The following TRIM25 variants were observed in gnomAD, a reference collection of about 807,000 sequenced individuals.
TRIM25 encodes the protein E3 ubiquitin/ISG15 ligase TRIM25.
TRIM25 carries 45 observed loss-of-function variants against 65.2 expected under a neutral mutation model. The ratio of observed to expected loss-of-function variants is 0.69; its 90% CI spans 0.54 to 0.89. The LOEUF is 0.89. Ranked by LOEUF, TRIM25 falls within the 40% of genes least tolerant of loss-of-function variation. The probability of loss-of-function intolerance (pLI) is 0.00; values close to 1 mark genes in which losing one functional copy is unlikely to be tolerated. For missense variants in TRIM25, 714 were observed against 803.7 expected, an observed-to-expected ratio of 0.89 and a Z score of 1.35; for synonymous variants, 321 against 340.4, an observed-to-expected ratio of 0.94 and a Z score of 0.63.
intron 3 of TRIM25, among the ~76,000 whole-genome samples, chr17:56,902,913 C>T (rs371928950): frequency 4.7e-4 from 71 of 152,272 alleles, no homozygotes; most frequent in African/African-American, 1.6e-3. Flanking sequence ...GGTTGTTTAA[C>T]GGAGGCTGGC....
chr17:56,903,199 G>A (rs1007498282), intron 3 of TRIM25, among the ~76,000 whole-genome samples: 18 of 152,222 alleles, frequency 1.2e-4, no homozygotes, highest in African/African-American at 4.3e-4. Context: ...TCAGGAGTTC[G>A]AGACCAGCCT....
At position 56,891,879 on chromosome 17, in the gene TRIM25, T is replaced by C. The variant is rs758113639; in HGVS notation, c.1714A>G (p.Thr572Ala). 3.7e-6 allele frequency: 6 copies of C among 1,614,082 alleles called. No individual in the cohort carries two copies. The Admixed American group carries it at 1.0e-4, about 27-fold the overall frequency. ...HNNVEKTLPSTKATRVGVLLN... is the reference protein window; with the variant it reads ...HNNVEKTLPSAKATRVGVLLN... ...AGCACGCCCACCCGCGTGGCCTTGGTGGAGGGCAGGGTTTTCTCCACGTTA... is the reference window on the plus strand; with the variant it reads ...AGCACGCCCACCCGCGTGGCCTTGGCGGAGGGCAGGGTTTTCTCCACGTTA... Residue 572 changes from threonine to alanine, a missense_variant, in exon 9 of 9, where the codon ACC becomes GCC. Thr to Ala is a moderately conservative substitution (Grantham distance 58). This residue lies in a region of TRIM25 where 413 missense variants were observed against 498.2 expected (regional missense o/e 0.83). Coordinates refer to ENST00000316881, the MANE Select transcript of TRIM25 (RefSeq NM_005082.5).
Position 56,891,131 on chromosome 17 carries a change from G to T in TRIM25, c.*569C>A, listed in dbSNP as rs1909161236. ...TGGAGGAAGAGGGTATGCCTCTTTA[G>T]GAAACTGTTCTGGGTAGAGACTGCT... On this transcript the variant is annotated 3_prime_UTR_variant, in exon 9 of 9. Coordinates refer to ENST00000316881, the MANE Select transcript of TRIM25 (RefSeq NM_005082.5). 2.8e-6 allele frequency: 1 copy of T among 360,528 alleles called. No homozygotes were observed. The highest frequency in any genetic ancestry group is 2.1e-5 in the African/African-American group (1 of 46,788). 22.3% of individuals were successfully genotyped at this position (360,528 alleles called of 1,614,324 possible).
rs939453296 is a variant in TRIM25 at position 56,901,442 on chromosome 17, A to G, written c.1064T>C (p.Leu355Pro). 3 of 1,613,960 alleles carry G rather than the reference A, an allele frequency of 1.9e-6. No individual in the cohort carries two copies. In the African/African-American group the frequency reaches 4.0e-5, roughly 22 times the overall value. ...KNELKQCIGR[L>P]QEPTPSSGDP... ...ACCTGAACTGGGGGTGGGCTCCTGGAGCCGCCCGATGCACTGCTTCAGCTC... is the reference window on the plus strand; with the variant it reads ...ACCTGAACTGGGGGTGGGCTCCTGGGGCCGCCCGATGCACTGCTTCAGCTC... The change falls in exon 4 of 9, where the codon CTC (leucine) becomes CCC (proline). Residue 355 changes from leucine to proline, a missense_variant. Physicochemically the swap from Leu to Pro is moderately conservative, Grantham distance 98 (BLOSUM62 -3). Transcript: ENST00000316881.
intron 1 of TRIM25, among the ~76,000 whole-genome samples, chr17:56,912,331 C>G (rs1049031413): frequency 5.3e-5 from 8 of 152,228 alleles, no homozygotes; most frequent in Admixed American, 5.2e-4. Flanking sequence ...CACCTAGTCC[C>G]ACAGCCTCAC....
chr17:56,913,939 A>T lies in TRIM25; in HGVS notation c.50T>A (p.Leu17Gln). 6.3e-7 allele frequency: 1 copy of T among 1,587,296 alleles called. No homozygotes were observed. The highest frequency in any genetic ancestry group is 8.6e-7 in the Non-Finnish European group (1 of 1,167,442). Reference protein sequence around the residue: ...LAEELSCSICLEPFKEPVTTP... With the variant: ...LAEELSCSICQEPFKEPVTTP... Reference sequence around the variant, plus strand: ...GGTGACCGGCTCCTTGAAGGGCTCCAGGCAGATGGAGCACGACAGCTCCTC... The same window carrying T: ...GGTGACCGGCTCCTTGAAGGGCTCCTGGCAGATGGAGCACGACAGCTCCTC... Residue 17 changes from leucine (L) to glutamine (Q), a missense_variant, in exon 1 of 9, where the codon CTG (leucine) becomes CAG (glutamine). Leu to Gln is a moderately radical substitution (Grantham distance 113). Transcript: ENST00000316881. The surrounding 1 kb of genome is among the most constrained non-coding windows in gnomAD (Gnocchi z 6.1).
intron 3 of TRIM25, among the ~76,000 whole-genome samples, chr17:56,903,349 G>A (rs974408830): frequency 6.6e-6 from 1 of 152,204 alleles, no homozygotes; most frequent in African/African-American, 2.4e-5. Flanking sequence ...CAGTGAGCAA[G>A]ATCACACCAC....
chr17:56,895,605 C>T lies in TRIM25; in HGVS notation c.1181-1G>A. 6.4e-7 allele frequency: 1 copy of T among 1,555,340 alleles called. No homozygotes were observed. Among genetic ancestry groups the T allele is most frequent in the Non-Finnish European group, 8.7e-7 (1 of 1,149,784 alleles). On this transcript the variant is annotated splice_acceptor_variant, in intron 6 of 8. Transcript: ENST00000316881. LOFTEE classifies it high-confidence loss of function. ...TTGCTGGGTAAGGCAGGGACAGGGG[C>T]TGGGGGTAAGGAAAGGGAAATATGA...
intron 1 of TRIM25, chr17:56,908,928 A>G (rs1359231680): frequency 5.0e-6 from 1 of 200,938 alleles, no homozygotes; most frequent in African/African-American, 2.3e-5. Context: ...CAATGCCTGG[A>G]TCTTAGGAAA....
chr17:56,910,556 C>T (rs1254713565), intron 1 of TRIM25, among the ~76,000 whole-genome samples: 1 of 152,204 alleles, frequency 6.6e-6, no homozygotes, highest in Non-Finnish European at 1.5e-5. Flanking sequence ...TAGCACTACA[C>T]CCTGAGCCCT....
intron 1 of TRIM25, among the ~76,000 whole-genome samples, chr17:56,910,592 T>C (rs933522273): frequency 6.6e-6 from 1 of 152,164 alleles, no homozygotes; most frequent in Non-Finnish European, 1.5e-5. Context: ...TGATACACCA[T>C]TAATCAAACA....
Position 56,913,732 on chromosome 17 carries a change from G to A in TRIM25, c.257C>T (p.Pro86Leu). The A allele has an allele frequency of 6.4e-7, 1 of 1,553,634 alleles. No homozygotes were observed. The highest frequency in any genetic ancestry group is 8.7e-7 in the Non-Finnish European group (1 of 1,149,140). Residue 86 changes from proline (P) to leucine (L), a missense_variant, in exon 1 of 9, where the codon CCC (proline) becomes CTC (leucine). Pro to Leu is a moderately conservative substitution (Grantham distance 98). Around this residue, in one of 3 missense-constraint regions of TRIM25, gnomAD observed 291 missense variants for 281.8 expected, o/e 1.03. Transcript: ENST00000316881. This position sits in a 1 kb window ranked among gnomAD's most constrained non-coding sequence, Gnocchi z 6.1. The stretch of plus-strand genomic sequence containing the variant: ...GGCGGGCGGCGTCCAGACGTCGGCG[G>A]GTGGCTCCCGGGCCAGGTCGGCCTG... The part of the protein sequence containing the change: ...FLQADLAREP[P>L]ADVWTPPARA...
intron 2 of TRIM25, among the ~76,000 whole-genome samples, chr17:56,907,838 A>G (rs533052736): frequency 2.6e-5 from 4 of 152,328 alleles, no homozygotes; most frequent in African/African-American, 9.6e-5. Context: ...CCTAAATCCA[A>G]TGACAAGGGT....
rs781168824 is a variant in TRIM25, at chr17:56,913,766, G to T, written c.223C>A (p.Gln75Lys). Residue 75 changes from glutamine (Q) to lysine (K), a missense_variant, in exon 1 of 9, where the codon CAG becomes AAG. Physicochemically the swap from Gln to Lys is moderately conservative, Grantham distance 53. Around this residue, in one of 3 missense-constraint regions of TRIM25, gnomAD observed 291 missense variants for 281.8 expected, o/e 1.03. Coordinates refer to ENST00000316881, the MANE Select transcript of TRIM25 (RefSeq NM_005082.5). The surrounding 1 kb of genome is among the most constrained non-coding windows in gnomAD (Gnocchi z 6.1). ...KNTVLCNVVE[Q>K]FLQADLAREP... Reference sequence around the variant, plus strand: ...CGGGCCAGGTCGGCCTGCAGGAACTGCTCCACCACGTTGCACAGCACCGTG... The same window carrying T: ...CGGGCCAGGTCGGCCTGCAGGAACTTCTCCACCACGTTGCACAGCACCGTG... 6 of 1,549,036 alleles carry T rather than the reference G, an allele frequency of 3.9e-6. No homozygotes were observed. Among genetic ancestry groups the T allele is most frequent in the Non-Finnish European group, 5.2e-6 (6 of 1,147,182 alleles).
At position 56,908,454 on chromosome 17, in the gene TRIM25, G is replaced by T. The variant is rs1163674377; in HGVS notation, c.693+14C>A. On this transcript the variant is annotated intron_variant, in intron 2 of 8. Coordinates refer to ENST00000316881, the MANE Select transcript of TRIM25 (RefSeq NM_005082.5). Reference sequence around the variant, plus strand: ...CACAGGGCAGGGCTGGCCTTGGAGAGCCCTGCCACTCACCCGCACATCCTG... The same window carrying T: ...CACAGGGCAGGGCTGGCCTTGGAGATCCCTGCCACTCACCCGCACATCCTG... 1 of 1,612,752 alleles carries T rather than the reference G, an allele frequency of 6.2e-7. No individual in the cohort carries two copies. Among genetic ancestry groups the T allele is most frequent in the Non-Finnish European group, 8.5e-7 (1 of 1,179,762 alleles).
Position 56,901,020 on chromosome 17 carries a change from C to T in TRIM25, c.1087+399G>A, listed in dbSNP as rs79830150. 8.8e-3 allele frequency among the ~76,000 whole-genome samples: 1,346 copies of T among 152,140 alleles called. 28 individuals are homozygous for T. The highest frequency in any genetic ancestry group is 0.031 in the African/African-American group (1,284 of 41,466). On this transcript the variant is annotated intron_variant, in intron 4 of 8. Transcript: ENST00000316881. ...GGAGATTGAAAGAAGTGAAATTTGG[C>T]AATGGATTGGATATGGGGTGATGAA...
chr17:56,911,583 A>AC (rs1035853456), intron 1 of TRIM25, among the ~76,000 whole-genome samples: 4 of 151,780 alleles, frequency 2.6e-5, no homozygotes, highest in African/African-American at 9.7e-5. Flanking sequence ...CAACTCAAAA[A>AC]AAAAAAAAAA....
intron 8 of TRIM25, among the ~76,000 whole-genome samples, chr17:56,892,908 C>G (rs1017534032): frequency 1.3e-5 from 2 of 152,204 alleles, no homozygotes; most frequent in East Asian, 3.8e-4. Context: ...AGGGTAAGCA[C>G]ACACTGTAGG....
In TRIM25 at chr17:56,913,897, T is replaced by C. The variant is rs1399544624; in HGVS notation, c.92A>G (p.Asn31Ser). 6.4e-7 allele frequency: 1 copy of C among 1,566,844 alleles called. No homozygotes were observed. Among genetic ancestry groups the C allele is most frequent in the Non-Finnish European group, 8.6e-7 (1 of 1,156,254 alleles). ...CTCATTCAGGCACGACCCGCAGAAG[T>C]TGTGGCCGCACGGAGTGGTGACCGG... is the stretch of plus-strand genomic sequence containing the variant. ...KEPVTTPCGH[N>S]FCGSCLNETW... Residue 31 changes from asparagine (N) to serine (S), a missense_variant, in exon 1 of 9, where the codon AAC (asparagine) becomes AGC (serine). Around this residue, in one of 3 missense-constraint regions of TRIM25, gnomAD observed 291 missense variants for 281.8 expected, o/e 1.03. Coordinates refer to ENST00000316881, the MANE Select transcript of TRIM25 (RefSeq NM_005082.5). The surrounding 1 kb of genome is among the most constrained non-coding windows in gnomAD (Gnocchi z 6.1).
Sources: allele counts gnomAD v4.1 joint callset (sites outside exome capture counted in the v4.1 genomes callset), GRCh38; gene constraint gnomAD v4.1.1; regional missense constraint gnomAD v4.1.1; non-coding constraint Gnocchi (gnomAD v3.1); transcripts MANE v1.5; gene names NCBI Gene and HGNC (gene_info 2026-07-23, HGNC 2026-07-21).